CYRIB: variants seen among roughly 807,000 people sequenced by gnomAD.
CYRIB encodes the protein CYFIP related Rac1 interactor B.
A neutral mutation model predicts 44.2 loss-of-function variants in CYRIB; 8 were observed. The observed-to-expected ratio is 0.18, with a 90% CI of 0.11 to 0.33. The LOEUF is 0.33. CYRIB is among the 10% of genes least tolerant of loss of function. The pLI, the probability that CYRIB is intolerant of heterozygous loss-of-function variation, is 1.00. For missense variants in CYRIB, 185 were observed against 382.8 expected (o/e 0.48, Z 4.31); for synonymous variants, 131 against 127.2 (o/e 1.03, Z -0.20).
chr8:129,844,720 T>C (rs2038791372), intron 11 of CYRIB, among the ~76,000 whole-genome samples: 1 of 152,214 alleles, frequency 6.6e-6, no homozygotes, highest in Non-Finnish European at 1.5e-5. Flanking sequence ...GGAACTATTC[T>C]CTCATTTAAA....
At chr8:130,010,926 T>C (rs2097199706) in intron 1 of CYRIB, among the ~76,000 whole-genome samples, 1 of 152,112 alleles carries the variant, frequency 6.6e-6, no homozygotes, top group African/African-American at 2.4e-5. Context: ...CCCCAGCCCC[T>C]GCTCAGAACC....
intron 2 of CYRIB, among the ~76,000 whole-genome samples, chr8:129,884,778 TAA>T (rs2062073850): frequency 6.6e-6 from 1 of 152,236 alleles, no homozygotes; most frequent in Non-Finnish European, 1.5e-5. Context: ...CTAAATAAGC[TAA>T]AAATAAATTT....
At chr8:129,986,230 G>C (rs186340239) in intron 1 of CYRIB, among the ~76,000 whole-genome samples, 14 of 152,322 alleles carry the variant, frequency 9.2e-5, no homozygotes, top group African/African-American at 3.4e-4. Flanking sequence ...GCTAAAGGAA[G>C]AGAGAGGGGA....
chr8:129,970,421 T>C (rs893829682), intron 2 of CYRIB: 1 of 143,696 alleles, frequency 7.0e-6, no homozygotes, highest in Non-Finnish European at 1.5e-5. Flanking sequence ...CTGACTTTCT[T>C]TTTTTTTTTT....
chr8:129,953,430 G>A (rs2094604797), intron 2 of CYRIB, among the ~76,000 whole-genome samples: 1 of 152,154 alleles, frequency 6.6e-6, no homozygotes, highest in Admixed American at 6.5e-5. Flanking sequence ...TATTGGCCTG[G>A]GTTCCTCATC....
chr8:129,866,056 C>T (rs2053370382), intron 4 of CYRIB, among the ~76,000 whole-genome samples: 2 of 152,208 alleles, frequency 1.3e-5, no homozygotes, highest in African/African-American at 4.8e-5. Flanking sequence ...TGTCCACACT[C>T]ACAGGCTACA....
intron 2 of CYRIB, among the ~76,000 whole-genome samples, chr8:129,967,540 C>T (rs543931137): frequency 3.9e-5 from 6 of 152,010 alleles, no homozygotes; most frequent in East Asian, 1.9e-4. Context: ...CCACCATGCC[C>T]GGCTAATTTT....
chr8:129,988,627 T>C (rs1438996976), intron 1 of CYRIB, among the ~76,000 whole-genome samples: 4 of 152,112 alleles, frequency 2.6e-5, no homozygotes, highest in African/African-American at 7.2e-5. Flanking sequence ...CCTGTGGGCG[T>C]TGGATAAATA....
chr8:129,931,283 T>C (rs1481524665), intron 1 of CYRIB, among the ~76,000 whole-genome samples: 2 of 152,218 alleles, frequency 1.3e-5, no homozygotes, highest in Non-Finnish European at 2.9e-5. Flanking sequence ...ATTTACATCA[T>C]TTAGTTTGTT....
rs762293908 is a variant in CYRIB at position 129,959,553 on chromosome 8, T to A, written c.-243+11390A>T. 3.3e-5 allele frequency among the ~76,000 whole-genome samples: 5 copies of A among 152,126 alleles called. No individual in the cohort carries two copies. In the South Asian group the frequency reaches 1.0e-3, roughly 31 times the overall value. On this transcript the variant is annotated intron_variant, in intron 2 of 14. Coordinates refer to the CYRIB transcript ENST00000401979. ...ACTTTAGGAGGCTGAGGTGAGAGGA[T>A]GGCTTGAACCCAGGAGTTTGAGACC...
intron 10 of CYRIB, among the ~76,000 whole-genome samples, chr8:129,848,924 C>G (rs1042556450): frequency 6.6e-6 from 1 of 152,112 alleles, no homozygotes; most frequent in Non-Finnish European, 1.5e-5. Context: ...TTTGAAATGG[C>G]CTTTGGCCAA....
intron 2 of CYRIB, among the ~76,000 whole-genome samples, chr8:129,888,105 G>A (rs1210574581): frequency 6.6e-6 from 1 of 152,180 alleles, no homozygotes; most frequent in Non-Finnish European, 1.5e-5. Flanking sequence ...TTTCATGAGT[G>A]TTGGAGAAGG....
At chr8:130,013,901 A>ACTGTTTGGGCCTG (rs1396367839) in intron 1 of CYRIB, among the ~76,000 whole-genome samples, 5 of 152,232 alleles carry the variant, frequency 3.3e-5, no homozygotes, top group African/African-American at 1.2e-4. Context: ...CTGTCAAAAG[A>ACTGTTTGGGCCTG]CACGTACTGT....
At chr8:129,904,684 C>G (rs2074282165) in intron 1 of CYRIB, 99 bp from the exon 3 acceptor site, 1 of 152,230 alleles carries the variant, frequency 6.6e-6, no homozygotes, top group South Asian at 2.1e-4. Flanking sequence ...TCCTACCTCA[C>G]TGGATGCTCC....
chr8:129,938,898 C>T (rs1302494827), intron 1 of CYRIB, among the ~76,000 whole-genome samples: 1 of 152,178 alleles, frequency 6.6e-6, no homozygotes, highest in Non-Finnish European at 1.5e-5. Context: ...GCCACTTCCA[C>T]TAGAGTTTGA....
Position 129,929,231 on chromosome 8 carries a change from TGAGAGAGTGAGG to T in CYRIB, c.-50+10365_-50+10376del, listed in dbSNP as rs2089833315. ...CCAGGAAAGAATAATCAAGCAAAAGTGAGAGAGTGAGGGAGAGAGTGTGAGAAGGAAAGAGGG... is the reference window on the plus strand; with the variant it reads ...CCAGGAAAGAATAATCAAGCAAAAGTGAGAGAGTGTGAGAAGGAAAGAGGG... On this transcript the variant is annotated intron_variant, in intron 1 of 11. Coordinates refer to ENST00000519824, the Ensembl canonical transcript of CYRIB. Among the ~76,000 whole-genome samples the T allele has an allele frequency of 1.3e-5, 2 of 149,760 alleles. 1 individual carries two copies. Among genetic ancestry groups the T allele is most frequent in the South Asian group, 4.2e-4 (2 of 4,734 alleles).
At chr8:129,891,497 T>C (rs939737782) in intron 2 of CYRIB, among the ~76,000 whole-genome samples, 5 of 152,182 alleles carry the variant, frequency 3.3e-5, no homozygotes, top group Non-Finnish European at 5.9e-5. Context: ...GACAGAGAGA[T>C]TAGTACAACA....
chr8:129,984,870 G>C (rs1021668344), intron 1 of CYRIB, among the ~76,000 whole-genome samples: 1 of 152,116 alleles, frequency 6.6e-6, no homozygotes, highest in African/African-American at 2.4e-5. Flanking sequence ...CACCTCCCAG[G>C]TTCAAGCAAT....
At chr8:129,846,528 C>T (rs191686688) in intron 11 of CYRIB, among the ~76,000 whole-genome samples, 4 of 152,262 alleles carry the variant, frequency 2.6e-5, no homozygotes, top group Admixed American at 2.6e-4. Context: ...CAAAAACAAG[C>T]AATCTCTGTT....
Sources: gnomAD v4.1 joint callset for allele counts (sites outside exome capture counted in the v4.1 genomes callset) on GRCh38, gnomAD v4.1.1 for gene constraint, MANE v1.5 for transcripts, NCBI Gene and HGNC (gene_info 2026-07-23, HGNC 2026-07-21) for gene names.